PCDH11X: variants seen among roughly 807,000 people sequenced by gnomAD.
PCDH11X encodes the protein protocadherin-11 X-linked.
A neutral mutation model predicts 53.3 loss-of-function variants in PCDH11X; 18 were observed. That is an observed-to-expected ratio of 0.34 (90% CI 0.23 to 0.50). The LOEUF is 0.50. Ranked by LOEUF, PCDH11X falls within the 20% of genes least tolerant of loss-of-function variation. The pLI is 0.98. For synonymous variants in PCDH11X, 279 were observed against 393.3 expected (o/e 0.71, Z 3.44); for missense variants, 570 against 1,032.4 (o/e 0.55, Z 6.14).
chrX:92,390,300 C>T (rs192184968), intron 9 of PCDH11X, among the ~76,000 whole-genome samples: 116 of 108,862 alleles, frequency 1.1e-3, no homozygotes, highest in African/African-American at 3.7e-3. Context: ...GTGCAAGAAG[C>T]GCAATAATTT....
intron 6 of PCDH11X, among the ~76,000 whole-genome samples, chrX:92,048,504 A>T (rs2562945): frequency 0.29 from 31,593 of 109,130 alleles, 5,543 homozygotes; most frequent in African/African-American, 0.62. Flanking sequence ...CAAAACTTAG[A>T]TATATTAATT....
At chrX:92,261,458 GTTAAGTCA>G (rs1054192831) in intron 7 of PCDH11X, among the ~76,000 whole-genome samples, 2 of 111,527 alleles carry the variant, frequency 1.8e-5, no homozygotes, top group Non-Finnish European at 3.8e-5. Context: ...TTAAATGTTG[GTTAAGTCA>G]TTAACTTTTC....
intron 9 of PCDH11X, among the ~76,000 whole-genome samples, chrX:92,409,722 A>T (rs2071602579): frequency 8.9e-6 from 1 of 112,324 alleles, no homozygotes. Flanking sequence ...TAGAAAAGTA[A>T]CAATGGCTAA....
intron 9 of PCDH11X, among the ~76,000 whole-genome samples, chrX:92,391,765 A>G (rs1194164116): frequency 9.0e-6 from 1 of 111,124 alleles, no homozygotes; most frequent in Non-Finnish European, 1.9e-5. Context: ...TGGATCTAAA[A>G]GGGTAACTAC....
intron 8 of PCDH11X, among the ~76,000 whole-genome samples, chrX:92,263,563 A>G (rs2067764155): frequency 8.9e-6 from 1 of 112,195 alleles, no homozygotes; most frequent in Admixed American, 9.5e-5. Context: ...GAAGAATTAT[A>G]TAACTAAACA....
rs2525224 is a variant in PCDH11X at position 91,879,746 on chromosome X, T to A, written c.3033+473T>A. Reference sequence around the variant, plus strand: ...CTGTTCACAGAAATTCAGCACCAAGTTATTCCCCCCATACTCTACCAGGCC... The same window carrying A: ...CTGTTCACAGAAATTCAGCACCAAGATATTCCCCCCATACTCTACCAGGCC... On this transcript the variant is annotated intron_variant, in intron 6 of 10. Transcript: ENST00000682573. 4,758 of 766,338 alleles carry A rather than the reference T, an allele frequency of 6.2e-3. 647 individuals carry two copies. In the African/African-American group the frequency reaches 0.15, roughly 24 times the overall value. The allele number at this position is 766,338 out of a possible 1,213,427, so 63.2% of individuals were successfully genotyped here.
At chrX:92,043,280 G>A (rs1229152256) in intron 6 of PCDH11X, among the ~76,000 whole-genome samples, 1 of 109,324 alleles carries the variant, frequency 9.1e-6, no homozygotes, top group Non-Finnish European at 1.9e-5. Flanking sequence ...TGCAATTAGT[G>A]ATCTTAGCTT....
chrX:92,260,279 T>TTGG (rs1268605738), intron 7 of PCDH11X, among the ~76,000 whole-genome samples: 2 of 111,361 alleles, frequency 1.8e-5, no homozygotes, highest in African/African-American at 6.5e-5. Context: ...ACCACTAGGA[T>TTGG]TGGTGATTCC....
intron 8 of PCDH11X, among the ~76,000 whole-genome samples, chrX:92,334,224 C>T (rs1469049188): frequency 1.8e-5 from 2 of 111,761 alleles, no homozygotes; most frequent in African/African-American, 6.5e-5. Flanking sequence ...AAAATATTAA[C>T]ATTGATCAAA....
At chrX:92,297,769 A>G (rs993434223) in intron 8 of PCDH11X, among the ~76,000 whole-genome samples, 4 of 110,333 alleles carry the variant, frequency 3.6e-5, no homozygotes, top group African/African-American at 1.3e-4. Flanking sequence ...GATTCTTCCT[A>G]TCCATTAGCA....
chrX:91,911,125 A>T (rs1941356227), intron 6 of PCDH11X, among the ~76,000 whole-genome samples: 1 of 111,075 alleles, frequency 9.0e-6, no homozygotes, highest in Non-Finnish European at 1.9e-5. Flanking sequence ...TTGGAATTAA[A>T]ATTACAAAAT....
intron 6 of PCDH11X, among the ~76,000 whole-genome samples, chrX:92,009,060 T>C (rs762759519): frequency 1.8e-5 from 2 of 112,559 alleles, no homozygotes; most frequent in African/African-American, 6.4e-5. Context: ...CAAATGTGAA[T>C]ACAATTGCAA....
At chrX:92,139,270 CTTTTT>C (rs1227547175) in intron 6 of PCDH11X, among the ~76,000 whole-genome samples, 1 of 82,840 alleles carries the variant, frequency 1.2e-5, no homozygotes, top group Admixed American at 1.4e-4. Flanking sequence ...TTCTTTCTTT[CTTTTT>C]TTTTTTTTTT....
At chrX:92,054,747 G>T (rs1409108424) in intron 6 of PCDH11X, among the ~76,000 whole-genome samples, 4 of 104,265 alleles carry the variant, frequency 3.8e-5, no homozygotes, top group Non-Finnish European at 7.8e-5. Context: ...TTGAACCCGG[G>T]AGGCAGAGGT....
intron 6 of PCDH11X, among the ~76,000 whole-genome samples, chrX:91,954,130 G>T (rs1451451561): frequency 9.2e-6 from 1 of 108,883 alleles, no homozygotes; most frequent in Non-Finnish European, 1.9e-5. Context: ...CCCCTACCAC[G>T]ACAGGCCCCA....
At chrX:92,277,047 T>C (rs1313601263) in intron 8 of PCDH11X, among the ~76,000 whole-genome samples, 1 of 110,268 alleles carries the variant, frequency 9.1e-6, no homozygotes, top group Non-Finnish European at 1.9e-5. Context: ...GGGGAGGCGA[T>C]AAAGAGATTA....
At position 91,975,357 on chromosome X, in the gene PCDH11X, A is replaced by G. The variant is rs113234600; in HGVS notation, c.3033+96084A>G. On this transcript the variant is annotated intron_variant, in intron 6 of 10. Coordinates refer to ENST00000682573, the MANE Select transcript of PCDH11X (RefSeq NM_032968.5). ...TCAACTGTGATTGGTAACAATGCAC[A>G]TGGATCAGGAGTTCAGTTTTGGACG... Among the ~76,000 whole-genome samples, 135 of 112,313 alleles carry G rather than the reference A, an allele frequency of 1.2e-3. 1 individual carries two copies. The highest frequency in any genetic ancestry group is 4.1e-3 in the African/African-American group (128 of 30,932).
intron 6 of PCDH11X, among the ~76,000 whole-genome samples, chrX:91,984,284 A>G (rs2062194319): frequency 9.9e-6 from 1 of 100,952 alleles, no homozygotes; most frequent in African/African-American, 3.8e-5. Context: ...CTATGTATTT[A>G]TTCATTTTTA....
intron 6 of PCDH11X, among the ~76,000 whole-genome samples, chrX:91,968,531 GT>G (rs1294464737): frequency 9.0e-6 from 1 of 111,254 alleles, no homozygotes; most frequent in East Asian, 2.8e-4. Context: ...GACAGCAAAA[GT>G]GATTTATTTA....
Sources: allele counts gnomAD v4.1 joint callset (sites outside exome capture counted in the v4.1 genomes callset), GRCh38; gene constraint gnomAD v4.1.1; transcripts MANE v1.5; gene names NCBI Gene and HGNC (gene_info 2026-07-23, HGNC 2026-07-21).